Variants in NRXN2 observed in about 807,000 individuals in gnomAD.
NRXN2 encodes the protein neurexin 2.
In NRXN2, 29 loss-of-function variants were observed where a neutral mutation model predicts 128.8. The ratio of observed to expected loss-of-function variants is 0.23; its 90% CI spans 0.17 to 0.31. The LOEUF is 0.31. Among genes scored for constraint, NRXN2 ranks in the 10% least tolerant of loss-of-function variants. The pLI, the probability that NRXN2 is intolerant of heterozygous loss-of-function variation, is 1.00. For missense variants in NRXN2, 1,881 were observed against 2,452.6 expected (o/e 0.77, Z 4.92); for synonymous variants, 1,098 against 1,075.2 (o/e 1.02, Z -0.41).
intron 7 of NRXN2, among the ~76,000 whole-genome samples, chr11:64,670,921 C>T (rs1317923290): frequency 6.6e-6 from 1 of 152,204 alleles, no homozygotes; most frequent in Non-Finnish European, 1.5e-5. Flanking sequence ...TCACTGGCCT[C>T]AGAAGCCAGG....
intron 17 of NRXN2, among the ~76,000 whole-genome samples, chr11:64,646,890 T>C (rs1030799644): frequency 1.4e-4 from 21 of 152,248 alleles, no homozygotes; most frequent in Non-Finnish European, 2.1e-4. Flanking sequence ...AAGGAAAATC[T>C]TGGGAGACAG....
rs1392149336 is a variant in NRXN2 at position 64,685,967 on chromosome 11, G to A, written c.851-20C>T. ...CCTTGCCTGGATGCCGTGGTGTGGG[G>A]AAACGGGAGAAGGCTGAATGGGGCA... is the stretch of plus-strand genomic sequence containing the variant. On this transcript the variant is annotated intron_variant, in intron 5 of 22. Coordinates refer to ENST00000265459, the MANE Select transcript of NRXN2 (RefSeq NM_015080.4). 1 of 1,614,056 alleles carries A rather than the reference G, an allele frequency of 6.2e-7. No homozygotes were observed. Among genetic ancestry groups the A allele is most frequent in the Non-Finnish European group, 8.5e-7 (1 of 1,179,968 alleles).
intron 18 of NRXN2, among the ~76,000 whole-genome samples, chr11:64,634,939 C>T (rs1447997797): frequency 1.3e-5 from 2 of 152,094 alleles, no homozygotes; most frequent in African/African-American, 2.4e-5. Context: ...GGGACACCTC[C>T]GAAGGCTACA....
intron 17 of NRXN2, among the ~76,000 whole-genome samples, chr11:64,637,788 G>A (rs539097653): frequency 9.9e-5 from 15 of 152,222 alleles, no homozygotes; most frequent in African/African-American, 3.6e-4. Flanking sequence ...TAGGAGAAAA[G>A]AGGCCCTTTC....
chr11:64,648,605 G>A lies in NRXN2; in HGVS notation c.3283+129C>T. 3.8e-6 allele frequency: 5 copies of A among 1,304,294 alleles called. No homozygotes were observed. Among genetic ancestry groups the A allele is most frequent in the Non-Finnish European group, 4.4e-6 (4 of 909,950 alleles). 80.8% of individuals were successfully genotyped at this position (1,304,294 alleles called of 1,614,324 possible). On this transcript the variant is annotated intron_variant, in intron 16 of 22. Coordinates refer to ENST00000265459, the MANE Select transcript of NRXN2 (RefSeq NM_015080.4). The surrounding 1 kb of genome is among the most constrained non-coding windows in gnomAD (Gnocchi z 4.1). ...GTATCCCTGCCCCAGAACTGTGGGG[G>A]CAAGCTCCCATAAGGCCTGAGAAGG... is the stretch of plus-strand genomic sequence containing the variant.
In NRXN2 at chr11:64,630,351, G is replaced by A. The variant is rs753333549; in HGVS notation, c.3757+51C>T. 2 of 1,563,446 alleles carry A rather than the reference G, an allele frequency of 1.3e-6. No individual in the cohort carries two copies. Among genetic ancestry groups the A allele is most frequent in the East Asian group, 2.3e-5 (1 of 43,652 alleles). ...CGGTGCGGCCGCACTCCTATCAGAG[G>A]CCGCCACCCGCCCCGCCACCGCGCC... On this transcript the variant is annotated intron_variant, in intron 19 of 22. Transcript: ENST00000265459. The surrounding 1 kb of genome is among the most constrained non-coding windows in gnomAD (Gnocchi z 4.6).
rs1408459116 is a variant in NRXN2 at position 64,713,423 on chromosome 11, G to C, written c.277C>G (p.Leu93Val). 5 of 1,502,944 alleles carry C rather than the reference G, an allele frequency of 3.3e-6. No homozygotes were observed. The highest frequency in any genetic ancestry group is 4.4e-6 in the Non-Finnish European group (5 of 1,132,728). The allele number at this position is 1,502,944 out of a possible 1,614,324, so 93.1% of individuals were successfully genotyped here. Reference sequence around the variant, plus strand: ...AGCGTGGCCGGCTCGGCGCACGAAAGCGTGAAGCGCAGCCGCAGGCGGCCG... The same window carrying C: ...AGCGTGGCCGGCTCGGCGCACGAAACCGTGAAGCGCAGCCGCAGGCGGCCG... ...VDGRLRLRFT[L>V]SCAEPATLQL... The change falls in exon 2 of 23, where the codon CTT becomes GTT. Residue 93 changes from leucine (L) to valine (V), a missense_variant. Transcript: ENST00000265459.
At chr11:64,655,010 G>A (rs1440542731) in intron 11 of NRXN2, among the ~76,000 whole-genome samples, 2 of 152,264 alleles carry the variant, frequency 1.3e-5, no homozygotes, top group South Asian at 2.1e-4. Context: ...GCAGTCTCCC[G>A]GCCCTCGATT....
At chr11:64,666,204 AT>A (rs35403625) in intron 9 of NRXN2, among the ~76,000 whole-genome samples, 31,751 of 137,036 alleles carry the variant, frequency 0.23, 3,304 homozygotes, top group East Asian at 0.46. Flanking sequence ...GAGTGAGTTA[AT>A]TTTTTTTTTT....
intron 9 of NRXN2, among the ~76,000 whole-genome samples, chr11:64,666,231 T>C (rs1450882064): frequency 6.6e-6 from 1 of 151,064 alleles, no homozygotes; most frequent in Non-Finnish European, 1.5e-5. Context: ...TTTGACAGTC[T>C]TCCTCTGTCG....
chr11:64,695,212 T>A (rs2054337615), intron 3 of NRXN2, among the ~76,000 whole-genome samples: 2 of 152,154 alleles, frequency 1.3e-5, no homozygotes, highest in South Asian at 2.1e-4. Flanking sequence ...CTTCCCCACA[T>A]CCACCTGTGG....
intron 19 of NRXN2, among the ~76,000 whole-genome samples, chr11:64,628,374 G>GT (rs1324567523): frequency 2.6e-5 from 4 of 152,044 alleles, no homozygotes; most frequent in Non-Finnish European, 5.9e-5. Context: ...GAATCAGAGG[G>GT]TCCCCCCCCA....
chr11:64,615,961 T>C (rs1038074036), intron 22 of NRXN2, among the ~76,000 whole-genome samples: 79 of 152,074 alleles, frequency 5.2e-4, no homozygotes, highest in Admixed American at 3.3e-3. Context: ...TGTGAACCAG[T>C]ATGCATGTTT....
intron 9 of NRXN2, among the ~76,000 whole-genome samples, chr11:64,663,877 C>G (rs1438969998): frequency 6.6e-6 from 1 of 152,198 alleles, no homozygotes; most frequent in East Asian, 1.9e-4. Flanking sequence ...GAAGGACATC[C>G]TGACACATGC....
At chr11:64,701,313 C>T (rs985008286) in intron 2 of NRXN2, among the ~76,000 whole-genome samples, 4 of 152,290 alleles carry the variant, frequency 2.6e-5, no homozygotes, top group African/African-American at 4.8e-5. Context: ...TCTTTTCCTG[C>T]GACAATCCAG....
At chr11:64,645,898 G>C (rs997856514) in intron 17 of NRXN2, among the ~76,000 whole-genome samples, 3 of 152,162 alleles carry the variant, frequency 2.0e-5, no homozygotes, top group South Asian at 4.1e-4. Flanking sequence ...TGCGCCCCCA[G>C]GGCCTCCCAC....
intron 17 of NRXN2, among the ~76,000 whole-genome samples, chr11:64,636,411 GT>G (rs2044728901): frequency 1.3e-5 from 2 of 149,922 alleles, no homozygotes; most frequent in Admixed American, 6.6e-5. Flanking sequence ...GGGGGTGGGG[GT>G]GGGGGGCTGG....
At chr11:64,626,803 G>A (rs1242192594) in intron 19 of NRXN2, among the ~76,000 whole-genome samples, 5 of 152,100 alleles carry the variant, frequency 3.3e-5, no homozygotes, top group Non-Finnish European at 7.4e-5. Context: ...GAAAAGGAAA[G>A]GGACACAAAA....
At chr11:64,642,528 G>A in intron 17 of NRXN2, 1 of 1,606,608 alleles carries the variant, frequency 6.2e-7, no homozygotes, top group South Asian at 1.1e-5. Flanking sequence ...GGCATCTACA[G>A]TGCCACTTAC....
Sources: allele counts gnomAD v4.1 joint callset (sites outside exome capture counted in the v4.1 genomes callset), GRCh38; gene constraint gnomAD v4.1.1; non-coding constraint Gnocchi (gnomAD v3.1); transcripts MANE v1.5; gene names NCBI Gene and HGNC (gene_info 2026-07-23, HGNC 2026-07-21).